Variants in RAP1A observed in about 807,000 individuals in gnomAD.
RAP1A encodes the protein RAP1A, member of RAS oncogene family, also known as ras-related protein Rap-1A.
RAP1A carries 6 observed loss-of-function variants against 26.4 expected under a neutral mutation model. The ratio of observed to expected loss-of-function variants is 0.23; its 90% CI spans 0.12 to 0.45. The LOEUF is 0.45. Among genes scored for constraint, RAP1A ranks in the 20% least tolerant of loss-of-function variants. The probability of loss-of-function intolerance (pLI) is 0.99; values close to 1 mark genes in which losing one functional copy is unlikely to be tolerated. For synonymous variants in RAP1A, 73 were observed against 79.4 expected (o/e 0.92, Z 0.43); for missense variants, 121 against 217.2 (o/e 0.56, Z 2.78).
intron 1 of RAP1A, among the ~76,000 whole-genome samples, chr1:111,551,133 CTAAAGGGAGA>C (rs1448188684): frequency 3.3e-5 from 5 of 152,102 alleles, no homozygotes. Context: ...GTCTTTAAAT[CTAAAGGGAGA>C]CTTTTACAAA....
chr1:111,601,595 C>T (rs866992389), intron 1 of RAP1A, among the ~76,000 whole-genome samples: 5 of 152,152 alleles, frequency 3.3e-5, no homozygotes, highest in East Asian at 1.9e-4. Context: ...GAAACAAACA[C>T]TCAGGAAAAA....
intron 2 of RAP1A, among the ~76,000 whole-genome samples, chr1:111,694,364 C>G (rs912485041): frequency 6.6e-6 from 1 of 152,100 alleles, no homozygotes; most frequent in African/African-American, 2.4e-5. Flanking sequence ...CTCTTTAGCT[C>G]AAGCTAAAAT....
intron 5 of RAP1A, 105 bp from the exon 6 acceptor site, chr1:111,704,238 C>T: frequency 8.0e-7 from 1 of 1,250,312 alleles, no homozygotes; most frequent in South Asian, 1.5e-5. Context: ...CTTGCGGTCC[C>T]AACTAATGCA....
intron 1 of RAP1A, among the ~76,000 whole-genome samples, chr1:111,667,721 T>C (rs1214498851): frequency 6.6e-6 from 1 of 151,760 alleles, no homozygotes. Flanking sequence ...CTTCTCACTG[T>C]GAAGAAGTGC....
intron 5 of RAP1A, 110 bp downstream of exon 5, chr1:111,703,586 T>C: frequency 9.3e-7 from 1 of 1,072,446 alleles, no homozygotes; most frequent in Non-Finnish European, 1.3e-6. Flanking sequence ...ACCACATGCC[T>C]GAAAGAGCCC....
At chr1:111,667,496 C>G (rs565737876) in intron 1 of RAP1A, among the ~76,000 whole-genome samples, 1 of 152,026 alleles carries the variant, frequency 6.6e-6, no homozygotes, top group Admixed American at 6.6e-5. Flanking sequence ...ACCAGCCTGG[C>G]TAACATGGCG....
chr1:111,641,601 G>A (rs61791761), intron 1 of RAP1A, among the ~76,000 whole-genome samples: 8,424 of 152,074 alleles, frequency 0.055, 255 homozygotes, highest in East Asian at 0.065. Flanking sequence ...ATCTTCCTCA[G>A]TTTCTCTATC....
chr1:111,662,171 A>G (rs1660658806), intron 1 of RAP1A, among the ~76,000 whole-genome samples: 2 of 151,910 alleles, frequency 1.3e-5, no homozygotes, highest in South Asian at 2.1e-4. Flanking sequence ...CGAGGCGGGC[A>G]GATCATGAGG....
At chr1:111,609,310 A>G (rs144690198) in intron 1 of RAP1A, among the ~76,000 whole-genome samples, 5 of 152,246 alleles carry the variant, frequency 3.3e-5, no homozygotes, top group African/African-American at 1.2e-4. Flanking sequence ...GAGACCTTCA[A>G]TCAGGTCCCT....
At chr1:111,633,735 T>A (rs1024825953) in intron 1 of RAP1A, among the ~76,000 whole-genome samples, 1 of 152,238 alleles carries the variant, frequency 6.6e-6, no homozygotes, top group Non-Finnish European at 1.5e-5. Flanking sequence ...TTCACTCAAG[T>A]GTTACAACTT....
At chr1:111,708,913 C>A (rs1571578785) in intron 6 of RAP1A, among the ~76,000 whole-genome samples, 3 of 152,204 alleles carry the variant, frequency 2.0e-5, no homozygotes, top group Middle Eastern at 6.8e-3. Flanking sequence ...ACTACCAGTT[C>A]TTTTTCTTGA....
chr1:111,690,377 C>T (rs544350870), intron 1 of RAP1A, among the ~76,000 whole-genome samples: 1 of 152,352 alleles, frequency 6.6e-6, no homozygotes, highest in African/African-American at 2.4e-5. Context: ...GGCTTGGCCA[C>T]AGACTCAAGT....
chr1:111,686,532 AAAAAG>A (rs1412467649), intron 1 of RAP1A: 1 of 151,910 alleles, frequency 6.6e-6, no homozygotes, highest in Admixed American at 6.6e-5. Flanking sequence ...AAAGAAAAAG[AAAAAG>A]AAAATTACCC....
At chr1:111,586,438 C>A (rs1297889045) in intron 1 of RAP1A, among the ~76,000 whole-genome samples, 4 of 152,120 alleles carry the variant, frequency 2.6e-5, no homozygotes, top group Non-Finnish European at 5.9e-5. Context: ...CAAAAACTGG[C>A]CATGCATGGT....
At chr1:111,646,096 A>G (rs1660056270) in intron 1 of RAP1A, among the ~76,000 whole-genome samples, 1 of 152,252 alleles carries the variant, frequency 6.6e-6, no homozygotes, top group Non-Finnish European at 1.5e-5. Flanking sequence ...GCACTGCACA[A>G]TTCTTTTTGC....
intron 1 of RAP1A, among the ~76,000 whole-genome samples, chr1:111,626,556 A>G (rs1411397898): frequency 6.6e-6 from 1 of 152,214 alleles, no homozygotes; most frequent in Non-Finnish European, 1.5e-5. Context: ...AAAGTCAAGT[A>G]TCTGCTAGGA....
At chr1:111,657,152 CA>C in intron 1 of RAP1A, among the ~76,000 whole-genome samples, 1 of 152,224 alleles carries the variant, frequency 6.6e-6, no homozygotes, top group Middle Eastern at 3.4e-3. Flanking sequence ...GTTGAGCGTC[CA>C]AAATCCATAT....
Position 111,630,979 on chromosome 1 carries a change from T to C in RAP1A, c.-28+11045T>C, listed in dbSNP as rs1037695633. Among the ~76,000 whole-genome samples, 7 of 152,174 alleles carry C rather than the reference T, an allele frequency of 4.6e-5. No individual in the cohort carries two copies. In the East Asian group the frequency reaches 1.3e-3, roughly 29 times the overall value. ...AATCACTAATTCCTGGTCCATAAATTATGTTTTTCCCAGGGATCTGCAGAG... is the reference window on the plus strand; with the variant it reads ...AATCACTAATTCCTGGTCCATAAATCATGTTTTTCCCAGGGATCTGCAGAG... On this transcript the variant is annotated intron_variant, in intron 1 of 7. Transcript: ENST00000369709.
rs200337616 is a variant in RAP1A at position 111,670,070 on chromosome 1, G to GT, written c.-27-21255dup. Among the ~76,000 whole-genome samples, 280 of 151,596 alleles carry GT rather than the reference G, an allele frequency of 1.8e-3. 3 individuals are homozygous for GT. Among genetic ancestry groups the GT allele is most frequent in the African/African-American group, 4.3e-3 (177 of 41,336 alleles). On this transcript the variant is annotated intron_variant, in intron 1 of 7. Coordinates refer to ENST00000369709, the MANE Select transcript of RAP1A (RefSeq NM_002884.4). ...AGTTTTCAGATAAATAAAACTGGGA[G>GT]TTTTTTTTTGTTCTCACTATTTGCA...
Sources: allele counts gnomAD v4.1 joint callset (sites outside exome capture counted in the v4.1 genomes callset), GRCh38; gene constraint gnomAD v4.1.1; transcripts MANE v1.5; gene names NCBI Gene and HGNC (gene_info 2026-07-23, HGNC 2026-07-21).